TTC39B: variants seen among roughly 807,000 people sequenced by gnomAD.
TTC39B encodes the protein tetratricopeptide repeat protein 39B.
A neutral mutation model predicts 96.6 loss-of-function variants in TTC39B; 92 were observed. The observed-to-expected ratio is 0.95, with a 90% CI of 0.80 to 1.13. The LOEUF (loss-of-function observed/expected upper bound fraction) is 1.13, where lower values mean the gene tolerates loss of function less well. TTC39B is among the 50% of genes most tolerant of loss of function. The probability of loss-of-function intolerance (pLI) is 0.00; values close to 1 mark genes in which losing one functional copy is unlikely to be tolerated. For missense variants in TTC39B, 955 were observed against 809.3 expected (o/e 1.18, Z -2.18); for synonymous variants, 367 against 299.4 (o/e 1.23, Z -2.33).
chr9:15,273,494 C>T (rs1823429883), intron 1 of TTC39B, among the ~76,000 whole-genome samples: 1 of 152,152 alleles, frequency 6.6e-6, no homozygotes, highest in South Asian at 2.1e-4. Context: ...CTCCGCGTTC[C>T]TCCTCCTCAC....
At chr9:15,278,004 C>CA (rs977954430) in intron 1 of TTC39B, among the ~76,000 whole-genome samples, 2 of 151,860 alleles carry the variant, frequency 1.3e-5, no homozygotes, top group South Asian at 2.1e-4. Context: ...GTCACTGTCA[C>CA]AAAAAAAATT....
At chr9:15,235,405 C>G (rs1821731027) in intron 2 of TTC39B, among the ~76,000 whole-genome samples, 1 of 152,064 alleles carries the variant, frequency 6.6e-6, no homozygotes, top group South Asian at 2.1e-4. Flanking sequence ...GGGAATAATT[C>G]AGGAAACTCC....
At chr9:15,175,275 A>G in intron 18 of TTC39B, 140 bp from the exon 19 acceptor site, 1 of 602,878 alleles carries the variant, frequency 1.7e-6, no homozygotes, top group Non-Finnish European at 2.9e-6. Context: ...TTGTATAGTT[A>G]TGGAACTCAT....
chr9:15,210,065 G>A (rs765112156), intron 6 of TTC39B, 23 bp downstream of exon 6: 14 of 1,534,974 alleles, frequency 9.1e-6, no homozygotes, highest in Non-Finnish European at 1.2e-5. Context: ...AAGGAAAAAA[G>A]TGATCTTTTA....
chr9:15,275,520 C>G (rs981237408), intron 1 of TTC39B, among the ~76,000 whole-genome samples: 2 of 152,174 alleles, frequency 1.3e-5, no homozygotes, highest in Admixed American at 6.5e-5. Flanking sequence ...TTAGGAACTA[C>G]CAGCATCGAT....
rs538782713 is a variant in TTC39B at position 15,258,997 on chromosome 9, C to G, written c.275+8917G>C. Among the ~76,000 whole-genome samples the G allele has an allele frequency of 2.6e-5, 4 of 152,108 alleles. 1 individual carries two copies. Among genetic ancestry groups the G allele is most frequent in the African/African-American group, 7.2e-5 (3 of 41,414 alleles). On this transcript the variant is annotated intron_variant, in intron 2 of 19. Transcript: ENST00000512701. ...TTCACAGTGGCAGGTCTAAACACAA[C>G]AGCAGACCATTAGAGTAGATCTAAC...
chr9:15,296,678 A>G (rs902805801), intron 1 of TTC39B, among the ~76,000 whole-genome samples: 2 of 152,208 alleles, frequency 1.3e-5, no homozygotes. Context: ...TATTTTTAAT[A>G]GAGACTGGGT....
At chr9:15,227,747 C>T (rs1184646077) in intron 2 of TTC39B, among the ~76,000 whole-genome samples, 1 of 152,100 alleles carries the variant, frequency 6.6e-6, no homozygotes, top group South Asian at 2.1e-4. Context: ...GACTCATTTT[C>T]GAGGGCTAGA....
chr9:15,234,931 C>A (rs1162964344), intron 2 of TTC39B, among the ~76,000 whole-genome samples: 2 of 151,634 alleles, frequency 1.3e-5, no homozygotes, highest in Non-Finnish European at 2.9e-5. Flanking sequence ...AAACCAGAGA[C>A]CTTTGTTCAC....
chr9:15,270,225 C>G (rs909294096), intron 1 of TTC39B, among the ~76,000 whole-genome samples: 1 of 151,936 alleles, frequency 6.6e-6, no homozygotes, highest in Non-Finnish European at 1.5e-5. Context: ...AGTTTGGGAC[C>G]CTGACCTATT....
chr9:15,265,563 AT>A (rs1480749352), intron 2 of TTC39B, among the ~76,000 whole-genome samples: 4 of 152,200 alleles, frequency 2.6e-5, no homozygotes, highest in Non-Finnish European at 4.4e-5. Flanking sequence ...AGATTTCTGA[AT>A]GGCGATCACT....
At chr9:15,237,785 T>G (rs529747223) in intron 2 of TTC39B, among the ~76,000 whole-genome samples, 36 of 152,282 alleles carry the variant, frequency 2.4e-4, no homozygotes, top group Admixed American at 2.2e-3. Context: ...TAACACCTTC[T>G]GTGAATCCAG....
chr9:15,273,133 T>C (rs1273574719), intron 1 of TTC39B, among the ~76,000 whole-genome samples: 1 of 152,254 alleles, frequency 6.6e-6, no homozygotes, highest in African/African-American at 2.4e-5. Flanking sequence ...GTTCTTGATG[T>C]TCATTTAAGA....
intron 19 of TTC39B, among the ~76,000 whole-genome samples, chr9:15,174,039 A>G (rs1817798401): frequency 6.6e-6 from 1 of 152,094 alleles, no homozygotes; most frequent in African/African-American, 2.4e-5. Context: ...TGATCTCAAG[A>G]TTGGCTTTAA....
At chr9:15,177,758 A>T in exon 18 of TTC39B, 1 of 1,613,624 alleles carries the variant, frequency 6.2e-7, no homozygotes, top group South Asian at 1.1e-5. Flanking sequence ...TTCTTGAGGC[A>T]ACATCCTTTA....
In TTC39B at chr9:15,261,883, G is replaced by C. The variant is rs78587625; in HGVS notation, c.275+6031C>G. ...GATGGCAACTGGGCACTAACACTGA[G>C]AAAAGGGACACTCCGTCATCAGAGC... On this transcript the variant is annotated intron_variant, in intron 2 of 19. Transcript: ENST00000512701. 3.1e-4 allele frequency among the ~76,000 whole-genome samples: 47 copies of C among 152,240 alleles called. No homozygotes were observed. The East Asian group carries it at 6.7e-3, about 22-fold the overall frequency.
rs1227093568 is a variant in TTC39B at position 15,192,652 on chromosome 9, G to A, written c.868C>T (p.Gln290Ter). 2 of 1,613,968 alleles carry A rather than the reference G, an allele frequency of 1.2e-6. No individual in the cohort carries two copies. The highest frequency in any genetic ancestry group is 1.7e-6 in the Non-Finnish European group (2 of 1,180,004). ...TCAAACTCATAGAAGAATTCCTGCTGAAGTTTGTTCTTCTGAATTTCATGC... is the reference window on the plus strand; with the variant it reads ...TCAAACTCATAGAAGAATTCCTGCTAAAGTTTGTTCTTCTGAATTTCATGC... Residue 290 changes from glutamine to a stop codon, truncating the protein, a stop_gained, in exon 9 of 20, where the codon CAG (glutamine) becomes TAG (stop). Coordinates refer to ENST00000512701, the Ensembl canonical transcript of TTC39B. LOFTEE classifies it high-confidence loss of function.
At chr9:15,301,122 G>A (rs764199987) in intron 1 of TTC39B, among the ~76,000 whole-genome samples, 1 of 151,942 alleles carries the variant, frequency 6.6e-6, no homozygotes. Context: ...AATCCCACTT[G>A]CCCTTTGAAA....
intron 1 of TTC39B, among the ~76,000 whole-genome samples, chr9:15,284,826 T>C (rs113392289): frequency 3.4e-4 from 52 of 152,292 alleles, no homozygotes; most frequent in African/African-American, 1.2e-3. Context: ...TATGTATTAC[T>C]ATATATGTAA....
Sources: gnomAD v4.1 joint callset for allele counts (sites outside exome capture counted in the v4.1 genomes callset) on GRCh38, gnomAD v4.1.1 for gene constraint, MANE v1.5 for transcripts, NCBI Gene and HGNC (gene_info 2026-07-23, HGNC 2026-07-21) for gene names.